TRIQK: variants seen among roughly 807,000 people sequenced by gnomAD.
TRIQK encodes triple QxxK/R motif-containing protein.
TRIQK carries 10 observed loss-of-function variants against 10.8 expected under a neutral mutation model. The observed-to-expected ratio is 0.92, with a 90% CI of 0.57 to 1.57. The LOEUF is 1.57. TRIQK is among the 40% of genes most tolerant of loss of function. The pLI is 0.00. For missense variants in TRIQK, 107 were observed against 97.7 expected, an observed-to-expected ratio of 1.09 and a Z score of -0.40; for synonymous variants, 33 against 33.7, an observed-to-expected ratio of 0.98 and a Z score of 0.07.
intron 3 of TRIQK, among the ~76,000 whole-genome samples, chr8:92,912,494 T>G (rs2130428532): frequency 6.6e-6 from 1 of 151,920 alleles, no homozygotes; most frequent in South Asian, 2.1e-4. Flanking sequence ...AACCTAACTT[T>G]ATACCTCAAA....
chr8:92,985,525 G>A (rs1813022823), intron 1 of TRIQK, among the ~76,000 whole-genome samples: 1 of 152,106 alleles, frequency 6.6e-6, no homozygotes, highest in African/African-American at 2.4e-5. Context: ...AGACATCAGA[G>A]GAGATTTAGC....
At chr8:92,990,717 CG>C (rs1813087366) in intron 1 of TRIQK, among the ~76,000 whole-genome samples, 1 of 152,142 alleles carries the variant, frequency 6.6e-6, no homozygotes, top group Non-Finnish European at 1.5e-5. Flanking sequence ...TGGTGCACTC[CG>C]GCCCCAGGTA....
intron 1 of TRIQK, among the ~76,000 whole-genome samples, chr8:92,971,673 C>G (rs1010346552): frequency 3.9e-5 from 6 of 152,150 alleles, no homozygotes; most frequent in Non-Finnish European, 8.8e-5. Context: ...AAAACATTCT[C>G]CATGCTCATG....
At chr8:92,893,908 AT>A (rs990513268) in intron 3 of TRIQK, among the ~76,000 whole-genome samples, 2 of 152,014 alleles carry the variant, frequency 1.3e-5, no homozygotes, top group Non-Finnish European at 2.9e-5. Flanking sequence ...CTTAATTCAT[AT>A]TTTTTATACA....
At chr8:92,982,257 A>T (rs1812994173) in intron 1 of TRIQK, among the ~76,000 whole-genome samples, 1 of 151,958 alleles carries the variant, frequency 6.6e-6, no homozygotes, top group African/African-American at 2.4e-5. Context: ...ATATTTTTCT[A>T]TGGAATATAT....
At chr8:92,970,771 C>A (rs1812866188), upstream of TRIQK, among the ~76,000 whole-genome samples, 1 of 152,040 alleles carries the variant, frequency 6.6e-6, no homozygotes, top group Non-Finnish European at 1.5e-5. Context: ...ATGATAGTTT[C>A]TTTTGCTATG....
chr8:92,969,556 T>A (rs1812853611), upstream of TRIQK, among the ~76,000 whole-genome samples: 1 of 145,212 alleles, frequency 6.9e-6, no homozygotes, highest in Non-Finnish European at 1.5e-5. Flanking sequence ...TTATGACAGT[T>A]TTTTTTTTTT....
At chr8:92,931,359 A>G (rs563417173) in intron 2 of TRIQK, among the ~76,000 whole-genome samples, 171 of 152,270 alleles carry the variant, frequency 1.1e-3, no homozygotes, top group Non-Finnish European at 2.2e-3. Flanking sequence ...ACTATTAATA[A>G]GTTTGGGAAG....
At chr8:92,966,294 T>A (rs948334671), upstream of TRIQK, 2 of 152,236 alleles carry the variant, frequency 1.3e-5, no homozygotes, top group African/African-American at 4.8e-5. Flanking sequence ...TTCTAATACC[T>A]GTCTCACGAG....
intron 2 of TRIQK, among the ~76,000 whole-genome samples, chr8:92,949,776 GAAAGAAAAAGAAA>G (rs1811763159): frequency 3.6e-5 from 3 of 83,434 alleles, no homozygotes; most frequent in African/African-American, 1.8e-4. Flanking sequence ...GAGAAGGAAA[GAAAGAAAAAGAAA>G]GAAAGAAAGA....
intron 1 of TRIQK, among the ~76,000 whole-genome samples, chr8:93,011,201 CACACATAT>C (rs1813330044): frequency 1.0e-5 from 1 of 98,526 alleles, no homozygotes; most frequent in Admixed American, 9.5e-5. Flanking sequence ...CACACACACA[CACACATAT>C]ATATATATAT....
intron 2 of TRIQK, among the ~76,000 whole-genome samples, chr8:92,929,237 T>C (rs1464952732): frequency 6.6e-6 from 1 of 152,300 alleles, no homozygotes; most frequent in South Asian, 2.1e-4. Context: ...TAGTGGACCA[T>C]ACTTGGCAAA....
At chr8:92,929,925 GTAAT>G (rs2130543542) in intron 2 of TRIQK, among the ~76,000 whole-genome samples, 2 of 152,074 alleles carry the variant, frequency 1.3e-5, no homozygotes, top group South Asian at 2.1e-4. Flanking sequence ...AAACTAAAAA[GTAAT>G]TAATCGCATA....
chr8:92,982,645 A>G (rs1341865442), intron 1 of TRIQK, among the ~76,000 whole-genome samples: 1 of 152,048 alleles, frequency 6.6e-6, no homozygotes, highest in African/African-American at 2.4e-5. Context: ...ATGGTTGAAT[A>G]GATTAAGAAT....
At chr8:92,994,614 G>T (rs906229006) in intron 1 of TRIQK, among the ~76,000 whole-genome samples, 2 of 150,998 alleles carry the variant, frequency 1.3e-5, no homozygotes, top group Admixed American at 6.6e-5. Context: ...TTTTTACTAG[G>T]TTACTTATTC....
chr8:92,905,260 A>T (rs1287044964), intron 3 of TRIQK, among the ~76,000 whole-genome samples: 2 of 152,200 alleles, frequency 1.3e-5, no homozygotes, highest in Non-Finnish European at 2.9e-5. Flanking sequence ...AAAATGAATG[A>T]ACTATATCAA....
At chr8:92,990,703 A>G (rs1011928910) in intron 1 of TRIQK, among the ~76,000 whole-genome samples, 18 of 152,274 alleles carry the variant, frequency 1.2e-4, no homozygotes, top group African/African-American at 4.1e-4. Flanking sequence ...TGTGCCATGA[A>G]GGATGGTGCA....
intron 4 of TRIQK, among the ~76,000 whole-genome samples, chr8:92,887,162 G>GT (rs200922800): frequency 1.9e-4 from 28 of 147,860 alleles, no homozygotes; most frequent in Non-Finnish European, 2.3e-4. Flanking sequence ...TTTGGGCACA[G>GT]TTTTTTTTTT....
chr8:92,944,665 T>G (rs1811428841), intron 2 of TRIQK, among the ~76,000 whole-genome samples: 1 of 152,012 alleles, frequency 6.6e-6, no homozygotes, highest in Non-Finnish European at 1.5e-5. Context: ...GAAGTTGACG[T>G]CATAAAAGTA....
Sources: allele counts gnomAD v4.1 joint callset (sites outside exome capture counted in the v4.1 genomes callset), GRCh38; gene constraint gnomAD v4.1.1; transcripts MANE v1.5; gene names NCBI Gene and HGNC (gene_info 2026-07-23, HGNC 2026-07-21).